Variants in SNTG2 observed in about 807,000 individuals in gnomAD.
SNTG2 encodes the protein gamma-2-syntrophin.
A neutral mutation model predicts 70.9 loss-of-function variants in SNTG2; 74 were observed. That is an observed-to-expected ratio of 1.04 (90% confidence interval 0.86 to 1.27). The LOEUF (loss-of-function observed/expected upper bound fraction) is 1.27. Among genes scored for constraint, SNTG2 ranks in the 50% most tolerant of loss-of-function variants. The pLI, the probability that SNTG2 is intolerant of heterozygous loss-of-function variation, is 0.00. For synonymous variants in SNTG2, 278 were observed against 273.8 expected, an observed-to-expected ratio of 1.02 and a Z score of -0.15; for missense variants, 717 against 690.7, an observed-to-expected ratio of 1.04 and a Z score of -0.43.
At chr2:1,365,889 A>G (rs1478899672) in intron 16 of SNTG2, among the ~76,000 whole-genome samples, 1 of 152,178 alleles carries the variant, frequency 6.6e-6, no homozygotes, top group East Asian at 1.9e-4. Flanking sequence ...AAAAGCTGAG[A>G]TGGATGTTAT....
At chr2:1,240,597 C>CT (rs1676983005) in intron 11 of SNTG2, among the ~76,000 whole-genome samples, 1 of 152,178 alleles carries the variant, frequency 6.6e-6, no homozygotes. Flanking sequence ...GTTCGCTTTG[C>CT]TTTAAATAGC....
At chr2:1,204,321 TACAA>T (rs1309007892) in intron 8 of SNTG2, among the ~76,000 whole-genome samples, 1 of 152,118 alleles carries the variant, frequency 6.6e-6, no homozygotes, top group African/African-American at 2.4e-5. Context: ...ACAGTTCAGT[TACAA>T]ACAAAAAAAG....
chr2:1,202,686 T>C (rs1673351802), intron 8 of SNTG2, among the ~76,000 whole-genome samples: 2 of 152,094 alleles, frequency 1.3e-5, no homozygotes, highest in Non-Finnish European at 2.9e-5. Context: ...GAAAATATAA[T>C]TTAAATATAA....
intron 4 of SNTG2, among the ~76,000 whole-genome samples, chr2:1,117,441 T>C (rs1447127478): frequency 6.6e-6 from 1 of 152,144 alleles, no homozygotes; most frequent in Non-Finnish European, 1.5e-5. Context: ...AATGAAGACT[T>C]AACATCAAAT....
intron 4 of SNTG2, among the ~76,000 whole-genome samples, chr2:1,118,040 C>T (rs1229949934): frequency 1.3e-5 from 2 of 152,168 alleles, no homozygotes; most frequent in African/African-American, 4.8e-5. Flanking sequence ...ACCTGGCCCC[C>T]CAGGTCTGAA....
chr2:1,208,825 T>C (rs1020457209), intron 8 of SNTG2, among the ~76,000 whole-genome samples: 3 of 152,170 alleles, frequency 2.0e-5, no homozygotes, highest in African/African-American at 7.2e-5. Context: ...TGTCTACAAC[T>C]TTCCCTCCAG....
intron 1 of SNTG2, among the ~76,000 whole-genome samples, chr2:1,032,239 C>T (rs1287805315): frequency 6.6e-6 from 1 of 152,074 alleles, no homozygotes; most frequent in African/African-American, 2.4e-5. Flanking sequence ...TGACCAAGAA[C>T]TTCTTAAGCA....
In SNTG2 at chr2:1,193,670, G is replaced by T. The variant is rs148234971; in HGVS notation, c.592-15433G>T. The stretch of plus-strand genomic sequence containing the variant: ...TCCATTTCTTTTCAGCCATAAAGAA[G>T]AAAGTCCTGAGCATTTCTAGGCCTT... On this transcript the variant is annotated intron_variant, in intron 8 of 16. Coordinates refer to ENST00000308624, the MANE Select transcript of SNTG2 (RefSeq NM_018968.4). 5.6e-4 allele frequency among the ~76,000 whole-genome samples: 85 copies of T among 152,222 alleles called. 1 individual carries two copies. In the East Asian group the frequency reaches 0.016, roughly 29 times the overall value.
At chr2:1,278,916 C>A (rs572525923) in intron 14 of SNTG2, among the ~76,000 whole-genome samples, 1 of 152,194 alleles carries the variant, frequency 6.6e-6, no homozygotes, top group Non-Finnish European at 1.5e-5. Context: ...TGCATCCCCC[C>A]GGGACGCGAA....
chr2:1,174,583 C>T (rs562262815), intron 8 of SNTG2, among the ~76,000 whole-genome samples: 2 of 152,022 alleles, frequency 1.3e-5, no homozygotes, highest in Non-Finnish European at 2.9e-5. Flanking sequence ...TAGATTATAC[C>T]AGGATGTTCT....
chr2:1,083,113 C>T (rs2148170180), intron 1 of SNTG2, among the ~76,000 whole-genome samples: 1 of 152,036 alleles, frequency 6.6e-6, no homozygotes, highest in South Asian at 2.1e-4. Context: ...GCCAACAAAC[C>T]TTCACACAGA....
chr2:1,290,036 A>G (rs1238932785), intron 14 of SNTG2, among the ~76,000 whole-genome samples: 1 of 152,142 alleles, frequency 6.6e-6, no homozygotes, highest in Admixed American at 6.5e-5. Context: ...TCATCCTTTG[A>G]TGGACACTTG....
At chr2:993,070 CTTT>C (rs59134628) in intron 1 of SNTG2, among the ~76,000 whole-genome samples, 51,576 of 140,520 alleles carry the variant, frequency 0.37, 9,596 homozygotes, top group Middle Eastern at 0.53. Flanking sequence ...TTTGTGGGTT[CTTT>C]TTTTTTTTTT....
At chr2:1,144,311 C>A (rs986569309) in intron 6 of SNTG2, among the ~76,000 whole-genome samples, 1 of 152,148 alleles carries the variant, frequency 6.6e-6, no homozygotes, top group African/African-American at 2.4e-5. Context: ...ACCCACCAGA[C>A]AGAAATCAGA....
At chr2:1,285,932 C>T (rs1679745977) in intron 14 of SNTG2, among the ~76,000 whole-genome samples, 1 of 152,154 alleles carries the variant, frequency 6.6e-6, no homozygotes, top group African/African-American at 2.4e-5. Flanking sequence ...GAATGGAGCT[C>T]CTGCATTCCT....
chr2:994,261 TCTTCTCTC>T (rs1661600637), intron 1 of SNTG2, among the ~76,000 whole-genome samples: 1 of 152,154 alleles, frequency 6.6e-6, no homozygotes, highest in African/African-American at 2.4e-5. Context: ...AAAAGTCTTT[TCTTCTCTC>T]CTTTGAATTG....
At chr2:998,711 A>G (rs1661774201) in intron 1 of SNTG2, among the ~76,000 whole-genome samples, 1 of 152,154 alleles carries the variant, frequency 6.6e-6, no homozygotes, top group South Asian at 2.1e-4. Flanking sequence ...TGGAAAACAT[A>G]TCTGAGGAAA....
intron 16 of SNTG2, among the ~76,000 whole-genome samples, chr2:1,360,225 C>T (rs1471866550): frequency 6.6e-6 from 1 of 152,192 alleles, no homozygotes; most frequent in Non-Finnish European, 1.5e-5. Context: ...GCTGCTTTCT[C>T]CTGCAGCCTC....
At chr2:1,110,947 C>T (rs1328088820) in intron 4 of SNTG2, among the ~76,000 whole-genome samples, 4 of 152,148 alleles carry the variant, frequency 2.6e-5, no homozygotes, top group Admixed American at 6.5e-5. Context: ...TCTCACCTGG[C>T]GGTGGGTGGA....
Sources: allele counts gnomAD v4.1 joint callset (sites outside exome capture counted in the v4.1 genomes callset), GRCh38; gene constraint gnomAD v4.1.1; transcripts MANE v1.5; gene names NCBI Gene and HGNC (gene_info 2026-07-23, HGNC 2026-07-21).